The following DLG2 variants were observed in gnomAD, a reference collection of about 807,000 sequenced individuals.
DLG2 encodes disks large homolog 2.
A neutral mutation model predicts 132.5 loss-of-function variants in DLG2; 45 were observed. The ratio of observed to expected loss-of-function variants is 0.34; its 90% CI spans 0.27 to 0.44. DLG2 has a LOEUF of 0.44. DLG2 is among the 20% of genes least tolerant of loss of function. DLG2 has a pLI of 1.00. For synonymous variants in DLG2, 424 were observed against 419.6 expected, an observed-to-expected ratio of 1.01 and a Z score of -0.13; for missense variants, 1,045 against 1,196.9, an observed-to-expected ratio of 0.87 and a Z score of 1.87.
intron 6 of DLG2, among the ~76,000 whole-genome samples, chr11:85,022,686 T>C (rs995061280): frequency 1.3e-5 from 2 of 152,122 alleles, no homozygotes; most frequent in African/African-American, 2.4e-5. Flanking sequence ...GTCATCTTTG[T>C]TGTAATTCTC....
intron 19 of DLG2, among the ~76,000 whole-genome samples, chr11:83,588,320 C>G (rs569622908): frequency 0.018 from 2,775 of 150,712 alleles, 124 homozygotes; most frequent in African/African-American, 0.066. Flanking sequence ...AAGTGGGTCT[C>G]TGACCCCTGA....
rs140590549 is a variant in DLG2, at chr11:85,184,092, CT to C, written c.187-29442del. 5.6e-4 allele frequency among the ~76,000 whole-genome samples: 85 copies of C among 151,956 alleles called. 1 individual carries two copies. The East Asian group carries it at 0.015, about 27-fold the overall frequency. On this transcript the variant is annotated intron_variant, in intron 4 of 27. Transcript: ENST00000376104. The stretch of plus-strand genomic sequence containing the variant: ...AGTTTCTTTGACCCTAGTCCCTTGC[CT>C]TTTGTCCCTTAACCCTTGGCATTCC...
chr11:84,316,738 GCA>G (rs1201380866), intron 7 of DLG2: 2 of 1,398,620 alleles, frequency 1.4e-6, no homozygotes, highest in African/African-American at 2.9e-5. Flanking sequence ...GTGGTACTCT[GCA>G]AAGTTTCCAA....
chr11:85,206,819 G>A (rs1031274342), intron 4 of DLG2, among the ~76,000 whole-genome samples: 6 of 151,890 alleles, frequency 4.0e-5, no homozygotes, highest in African/African-American at 1.5e-4. Flanking sequence ...GGTGACAAGA[G>A]CAAAATTCCT....
At chr11:85,198,177 T>C (rs181042101) in intron 4 of DLG2, among the ~76,000 whole-genome samples, 3 of 152,100 alleles carry the variant, frequency 2.0e-5, no homozygotes, top group Admixed American at 6.5e-5. Context: ...AGTGGGATAA[T>C]GGAAAAAGCA....
chr11:84,311,289 A>G (rs1277360815), intron 7 of DLG2, among the ~76,000 whole-genome samples: 1 of 152,202 alleles, frequency 6.6e-6, no homozygotes, highest in Non-Finnish European at 1.5e-5. Context: ...GATAAAAAAC[A>G]TACTTTAGAT....
chr11:83,774,400 G>A (rs754066854), intron 18 of DLG2, among the ~76,000 whole-genome samples: 9 of 152,098 alleles, frequency 5.9e-5, no homozygotes, highest in African/African-American at 1.9e-4. Flanking sequence ...TTATATGTAC[G>A]CCTTCGTTTA....
intron 6 of DLG2, among the ~76,000 whole-genome samples, chr11:84,693,426 T>C (rs1378935699): frequency 2.6e-5 from 4 of 151,768 alleles, no homozygotes; most frequent in Non-Finnish European, 5.9e-5. Flanking sequence ...ACTTGAGCCC[T>C]TGTGGCTAAA....
At chr11:84,120,238 T>A (rs1432034101) in intron 9 of DLG2, among the ~76,000 whole-genome samples, 1 of 152,188 alleles carries the variant, frequency 6.6e-6, no homozygotes, top group Non-Finnish European at 1.5e-5. Flanking sequence ...TTTCACCATG[T>A]TAAAAGGTAT....
chr11:85,439,936 G>A (rs377138188), intron 3 of DLG2, among the ~76,000 whole-genome samples: 1 of 152,064 alleles, frequency 6.6e-6, no homozygotes, highest in African/African-American at 2.4e-5. Context: ...GGTCATAAAC[G>A]CTAGATAGAG....
chr11:84,899,444 G>A (rs2090610740), intron 6 of DLG2, among the ~76,000 whole-genome samples: 1 of 152,024 alleles, frequency 6.6e-6, no homozygotes, highest in Admixed American at 6.6e-5. Flanking sequence ...AATCTCACTT[G>A]CATCTAGCAA....
chr11:84,006,871 CACTG>C (rs916899117), intron 11 of DLG2, among the ~76,000 whole-genome samples: 20 of 151,716 alleles, frequency 1.3e-4, no homozygotes, highest in Admixed American at 1.1e-3. Flanking sequence ...GTTCCCCCAA[CACTG>C]ACTGTTTGTC....
intron 3 of DLG2, among the ~76,000 whole-genome samples, chr11:85,295,237 AAGT>A (rs2079144483): frequency 6.6e-6 from 1 of 152,176 alleles, no homozygotes. Context: ...TTCAGAAGAT[AAGT>A]AACTATATGT....
intron 7 of DLG2, among the ~76,000 whole-genome samples, chr11:84,385,907 T>C (rs1218929854): frequency 1.3e-5 from 2 of 152,150 alleles, no homozygotes; most frequent in Admixed American, 6.5e-5. Context: ...CACAGTTATT[T>C]GTTACTACTG....
chr11:83,775,555 G>A (rs1347569709), intron 18 of DLG2, among the ~76,000 whole-genome samples: 1 of 152,196 alleles, frequency 6.6e-6, no homozygotes, highest in Non-Finnish European at 1.5e-5. Context: ...CAGGCCTGTA[G>A]TGAGTGCTTC....
intron 7 of DLG2, among the ~76,000 whole-genome samples, chr11:84,457,662 G>A (rs912837026): frequency 6.6e-6 from 1 of 150,862 alleles, no homozygotes; most frequent in Non-Finnish European, 1.5e-5. Flanking sequence ...GTGCGACCCT[G>A]AATGATGTTT....
At chr11:83,937,575 G>A (rs1026869953) in intron 14 of DLG2, among the ~76,000 whole-genome samples, 1 of 151,214 alleles carries the variant, frequency 6.6e-6, no homozygotes, top group Non-Finnish European at 1.5e-5. Flanking sequence ...AATAAGCTGG[G>A]GAAAACATTT....
intron 8 of DLG2, among the ~76,000 whole-genome samples, chr11:84,197,558 C>G (rs1179512790): frequency 2.0e-5 from 3 of 152,082 alleles, no homozygotes; most frequent in African/African-American, 7.2e-5. Flanking sequence ...TCCAAAGAGT[C>G]AAGACACAAT....
chr11:85,505,309 G>A (rs952646036), intron 3 of DLG2, among the ~76,000 whole-genome samples: 2 of 152,212 alleles, frequency 1.3e-5, no homozygotes, highest in East Asian at 1.9e-4. Flanking sequence ...AGTTTTCAAA[G>A]AGAATGCTTC....
Sources: allele counts gnomAD v4.1 joint callset (sites outside exome capture counted in the v4.1 genomes callset), GRCh38; gene constraint gnomAD v4.1.1; transcripts MANE v1.5; gene names NCBI Gene and HGNC (gene_info 2026-07-23, HGNC 2026-07-21).